KIF6: variants seen among roughly 807,000 people sequenced by gnomAD.
KIF6 encodes the protein kinesin family member 6.
Under a neutral mutation model 112.7 loss-of-function variants are expected in KIF6, and 106 were observed. That is an observed-to-expected ratio of 0.94 (90% CI 0.80 to 1.11). The LOEUF (loss-of-function observed/expected upper bound fraction) is 1.11. KIF6 is among the 50% of genes least tolerant of loss of function. The pLI, the probability that KIF6 is intolerant of heterozygous loss-of-function variation, is 0.00. For synonymous variants in KIF6, 339 were observed against 339.9 expected (o/e 1.00, Z 0.03); for missense variants, 929 against 964.0 (o/e 0.96, Z 0.48).
At chr6:39,581,161 C>CTTTTTTTTTT (rs60321520) in intron 9 of KIF6, among the ~76,000 whole-genome samples, 4 of 78,702 alleles carry the variant, frequency 5.1e-5, no homozygotes, top group Non-Finnish European at 7.6e-5. Context: ...GCTTTACTTT[C>CTTTTTTTTTT]TTTTTTTTTT....
In KIF6 at chr6:39,342,602, TTTTTTTTTATTTTTTTTTATTTTTTTTTA is replaced by T. The variant is rs1763390627; in HGVS notation, c.2428+1078_2428+1106del. 1.0e-5 allele frequency among the ~76,000 whole-genome samples: 1 copy of T among 96,630 alleles called. No homozygotes were observed. The highest frequency in any genetic ancestry group is 2.8e-4 in the South Asian group (1 of 3,524). The allele number at this position is 96,630 out of a possible 152,430, so 63.4% of individuals were successfully genotyped here. A position where few individuals can be genotyped will look rare whatever the true frequency, so the allele number is the denominator to read the frequency against. ...GGAGATCACTGAATCCAGTTTTTTA[TTTTTTTTTATTTTTTTTTATTTTTTTTTA>T]TTTTTAGACAAGGAAACTGAGAATG... On this transcript the variant is annotated intron_variant, in intron 22 of 22. Coordinates refer to ENST00000287152, the MANE Select transcript of KIF6 (RefSeq NM_145027.6). This position sits in a 1 kb window ranked among gnomAD's most constrained non-coding sequence, Gnocchi z 4.7.
At chr6:39,535,742 A>C (rs562011258) in intron 13 of KIF6, among the ~76,000 whole-genome samples, 1,626 of 146,546 alleles carry the variant, frequency 0.011, 19 homozygotes, top group South Asian at 0.062. Context: ...CTCTCCACCC[A>C]AAATCAACAG....
chr6:39,656,997 G>A (rs1469458347), intron 3 of KIF6, among the ~76,000 whole-genome samples: 1 of 152,144 alleles, frequency 6.6e-6, no homozygotes, highest in African/African-American at 2.4e-5. Context: ...TTGGGAGGCT[G>A]AGGTGGGTGG....
chr6:39,515,558 A>G (rs1384142691), intron 13 of KIF6, among the ~76,000 whole-genome samples: 1 of 152,224 alleles, frequency 6.6e-6, no homozygotes, highest in African/African-American at 2.4e-5. Context: ...CTTATCATTA[A>G]AACTTTCATG....
intron 13 of KIF6, among the ~76,000 whole-genome samples, chr6:39,447,989 C>T (rs1224498077): frequency 6.6e-6 from 1 of 152,144 alleles, no homozygotes; most frequent in Non-Finnish European, 1.5e-5. Context: ...CTGTGAGCGG[C>T]AGTGATACGT....
intron 13 of KIF6, among the ~76,000 whole-genome samples, chr6:39,533,746 C>A (rs57703896): frequency 0.042 from 6,395 of 152,326 alleles, 271 homozygotes; most frequent in East Asian, 0.24. Context: ...TGAGAACTGG[C>A]AGACTGCCTC....
chr6:39,421,603 C>G (rs1770366900), intron 14 of KIF6, among the ~76,000 whole-genome samples: 1 of 152,154 alleles, frequency 6.6e-6, no homozygotes, highest in South Asian at 2.1e-4. Context: ...TGAATTATGT[C>G]ATTGCTATTT....
At chr6:39,608,454 T>C (rs1372610680) in intron 6 of KIF6, among the ~76,000 whole-genome samples, 1 of 152,218 alleles carries the variant, frequency 6.6e-6, no homozygotes, top group Non-Finnish European at 1.5e-5. Context: ...TTGAAGACTG[T>C]ACTGAAAGTG....
At chr6:39,593,157 A>G (rs1782045047) in intron 7 of KIF6, among the ~76,000 whole-genome samples, 1 of 152,156 alleles carries the variant, frequency 6.6e-6, no homozygotes, top group African/African-American at 2.4e-5. Flanking sequence ...TGTCTAACGT[A>G]ACTCACAGCA....
chr6:39,484,354 G>T (rs1265506897), intron 13 of KIF6, among the ~76,000 whole-genome samples: 2 of 152,160 alleles, frequency 1.3e-5, no homozygotes, highest in Non-Finnish European at 2.9e-5. Context: ...CATTCAAGGA[G>T]ATTACAGTTC....
At chr6:39,633,211 A>G (rs1784445085) in intron 5 of KIF6, among the ~76,000 whole-genome samples, 1 of 152,074 alleles carries the variant, frequency 6.6e-6, no homozygotes, top group South Asian at 2.1e-4. Flanking sequence ...TTGAAATGAG[A>G]GTGTAGAGGG....
chr6:39,614,032 A>G (rs1783362024), intron 5 of KIF6, among the ~76,000 whole-genome samples: 1 of 152,160 alleles, frequency 6.6e-6, no homozygotes, highest in Admixed American at 6.5e-5. Flanking sequence ...GGGCATCCTG[A>G]TGCCAACACC....
intron 18 of KIF6, among the ~76,000 whole-genome samples, 164 bp downstream of exon 18, chr6:39,360,231 T>TG (rs1314825990): frequency 1.3e-5 from 2 of 152,206 alleles, no homozygotes; most frequent in Non-Finnish European, 2.9e-5. Context: ...AATGAACCCC[T>TG]GCCCTTTTGT....
intron 13 of KIF6, among the ~76,000 whole-genome samples, chr6:39,478,043 T>A (rs192989650): frequency 8.8e-4 from 134 of 152,274 alleles, no homozygotes; most frequent in Middle Eastern, 3.4e-3. Context: ...TATTATTTTT[T>A]AAAAATTTTT....
Position 39,334,231 on chromosome 6 carries a change from T to A in KIF6, c.*2301A>T, listed in dbSNP as rs1384827427. The A allele has an allele frequency of 6.6e-6, 1 of 152,226 alleles. No individual in the cohort carries two copies. The highest frequency in any genetic ancestry group is 2.4e-5 in the African/African-American group (1 of 41,452). The allele number at this position is 152,226 out of a possible 1,614,324, so 9.4% of individuals were successfully genotyped here. A position where few individuals can be genotyped will look rare whatever the true frequency, so the allele number is the denominator to read the frequency against. On this transcript the variant is annotated 3_prime_UTR_variant, in exon 23 of 23. Transcript: ENST00000287152. ...ACCCCGCATGGGGCCATGCCACACA[T>A]CTCTGTCAGTAAGGCCTTTGGATCC... is the stretch of plus-strand genomic sequence containing the variant.
chr6:39,384,860 C>T (rs183027074), intron 16 of KIF6, among the ~76,000 whole-genome samples: 50 of 152,344 alleles, frequency 3.3e-4, no homozygotes, highest in African/African-American at 1.1e-3. Flanking sequence ...AGGATACCCA[C>T]TCCACCAGTC....
At chr6:39,597,427 GGTGCAGGA>G (rs566611621) in intron 6 of KIF6, among the ~76,000 whole-genome samples, 26 of 152,184 alleles carry the variant, frequency 1.7e-4, no homozygotes, top group Admixed American at 2.0e-4. Flanking sequence ...TGCTGGTGCT[GGTGCAGGA>G]GCAGACAGCT....
chr6:39,406,969 C>A (rs182392239), intron 15 of KIF6, among the ~76,000 whole-genome samples: 17 of 152,252 alleles, frequency 1.1e-4, no homozygotes, highest in Admixed American at 9.2e-4. Flanking sequence ...GTTGCTCAGG[C>A]TGGTCTTGAA....
chr6:39,434,564 C>T (rs974701335), intron 13 of KIF6, among the ~76,000 whole-genome samples: 1 of 150,844 alleles, frequency 6.6e-6, no homozygotes, highest in Non-Finnish European at 1.5e-5. Flanking sequence ...AGGTGCGACT[C>T]CATCTCAAAA....
Sources: gnomAD v4.1 joint callset for allele counts (sites outside exome capture counted in the v4.1 genomes callset) on GRCh38, gnomAD v4.1.1 for gene constraint, Gnocchi (gnomAD v3.1) non-coding constraint, MANE v1.5 for transcripts, NCBI Gene and HGNC (gene_info 2026-07-23, HGNC 2026-07-21) for gene names.